Variants in ERCC6 observed in about 807,000 individuals in gnomAD.
The protein encoded by ERCC6 is ERCC excision repair 6, chromatin remodeling factor.
In ERCC6, 116 loss-of-function variants were observed where a neutral mutation model predicts 158.7. The observed-to-expected ratio is 0.73, with a 90% CI of 0.63 to 0.85. ERCC6 has a LOEUF of 0.85. Ranked by LOEUF, ERCC6 falls within the 40% of genes least tolerant of loss-of-function variation. The pLI is 0.00. For synonymous variants in ERCC6, 678 were observed against 659.3 expected (o/e 1.03, Z -0.43); for missense variants, 1,698 against 1,799.4 (o/e 0.94, Z 1.02).
intron 1 of ERCC6, among the ~76,000 whole-genome samples, chr10:49,536,430 G>A (rs1011780712): frequency 7.2e-5 from 11 of 152,122 alleles, no homozygotes; most frequent in African/African-American, 2.4e-4. Context: ...ATGAACAGGA[G>A]GCACAACACA....
intron 20 of ERCC6, among the ~76,000 whole-genome samples, chr10:49,459,681 T>C (rs1850543282): frequency 6.6e-6 from 1 of 152,178 alleles, no homozygotes; most frequent in East Asian, 1.9e-4. Context: ...CTTTTAAGTC[T>C]TCTTACTCTT....
chr10:49,531,399 T>C (rs1049798393), intron 2 of ERCC6, among the ~76,000 whole-genome samples: 1 of 152,186 alleles, frequency 6.6e-6, no homozygotes, highest in African/African-American at 2.4e-5. Context: ...ACCATAGAAT[T>C]GTAGCTTCCA....
At chr10:49,446,537 A>T in the ERCC6 span, among the ~76,000 whole-genome samples, 4 of 152,194 alleles carry the variant, frequency 2.6e-5, no homozygotes, top group Non-Finnish European at 4.4e-5. Flanking sequence ...GTGCTTTGGG[A>T]GGCCAAAGCA....
chr10:49,449,132 G>C, the ERCC6 span, among the ~76,000 whole-genome samples: 1 of 152,160 alleles, frequency 6.6e-6, no homozygotes, highest in Non-Finnish European at 1.5e-5. Context: ...ACAATCTCTT[G>C]TCAACACTTG....
intron 5 of ERCC6, chr10:49,515,770 G>A (rs778353556): frequency 1.9e-6 from 3 of 1,614,154 alleles, no homozygotes; most frequent in Admixed American, 3.3e-5. Flanking sequence ...ATGTTTGGCT[G>A]CTGAACTTGT....
chr10:49,511,671 C>T (rs1271998069), intron 5 of ERCC6, among the ~76,000 whole-genome samples: 3 of 152,176 alleles, frequency 2.0e-5, no homozygotes, highest in African/African-American at 7.2e-5. Context: ...AGTGATCTGC[C>T]TGCCTTGCCT....
the ERCC6 span, among the ~76,000 whole-genome samples, chr10:49,448,846 G>A: frequency 6.6e-6 from 1 of 152,140 alleles, no homozygotes; most frequent in African/African-American, 2.4e-5. Flanking sequence ...ATATTCCATT[G>A]TATAGATATA....
At position 49,532,943 on chromosome 10, in the gene ERCC6, G is replaced by C; in HGVS notation, c.22C>G (p.His8Asp). 6.2e-7 allele frequency: 1 copy of C among 1,614,192 alleles called. No individual in the cohort carries two copies. The highest frequency in any genetic ancestry group is 8.5e-7 in the Non-Finnish European group (1 of 1,180,046). MPNEGIP[H>D]SSQTQEQDCL... ...TCTTGCTCCTGAGTTTGACTTGAGT[G>C]GGGGATTCCCTCATTTGGCATTCTC... Residue 8 changes from histidine (H) to aspartate (D), a missense_variant, in exon 2 of 21, where the codon CAC (histidine) becomes GAC (aspartate). Coordinates refer to ENST00000355832, the MANE Select transcript of ERCC6 (RefSeq NM_000124.4).
At chr10:49,519,139 G>A (rs1443225588) in intron 5 of ERCC6, among the ~76,000 whole-genome samples, 2 of 152,130 alleles carry the variant, frequency 1.3e-5, no homozygotes, top group East Asian at 3.9e-4. Context: ...TTGGTTTTCA[G>A]TCCAATGGAG....
chr10:49,472,619 G>C (rs1315917624), intron 15 of ERCC6, 149 bp from the exon 16 acceptor site: 7 of 839,858 alleles, frequency 8.3e-6, no homozygotes, highest in Non-Finnish European at 1.4e-5. Flanking sequence ...GCCTACTCAG[G>C]AAGATGAACA....
At chr10:49,521,029 G>A (rs750816875) in intron 5 of ERCC6, among the ~76,000 whole-genome samples, 25 of 152,216 alleles carry the variant, frequency 1.6e-4, no homozygotes, top group Non-Finnish European at 3.5e-4. Context: ...AAATGCCTCA[G>A]TCTGAATTCA....
chr10:49,437,101 G>T, the ERCC6 span, among the ~76,000 whole-genome samples: 1 of 152,106 alleles, frequency 6.6e-6, no homozygotes, highest in Non-Finnish European at 1.5e-5. Context: ...AGTCTCAGGA[G>T]ATCCGATGGT....
At chr10:49,466,968 A>G (rs1850687455) in intron 18 of ERCC6, among the ~76,000 whole-genome samples, 1 of 152,004 alleles carries the variant, frequency 6.6e-6, no homozygotes, top group South Asian at 2.1e-4. Flanking sequence ...TTTTGTAGAG[A>G]TGGAGTTTCA....
intron 7 of ERCC6, among the ~76,000 whole-genome samples, chr10:49,496,337 T>A (rs1473892907): frequency 2.0e-5 from 3 of 152,198 alleles, no homozygotes; most frequent in Non-Finnish European, 2.9e-5. Flanking sequence ...CTTCAAATGA[T>A]CTCAATGCCT....
intron 1 of ERCC6, among the ~76,000 whole-genome samples, chr10:49,536,107 ACT>A (rs146871654): frequency 0.07 from 10,580 of 152,154 alleles, 445 homozygotes; most frequent in Middle Eastern, 0.11. Flanking sequence ...CAAGAGTGAA[ACT>A]CTGTCTCGAA....
the ERCC6 span, among the ~76,000 whole-genome samples, chr10:49,444,072 G>A: frequency 6.6e-6 from 1 of 152,234 alleles, no homozygotes; most frequent in Non-Finnish European, 1.5e-5. Flanking sequence ...GCAAGGAGAG[G>A]TGTGCTGGGC....
chr10:49,508,072 CG>C (rs1337621171), intron 5 of ERCC6, among the ~76,000 whole-genome samples: 1 of 152,086 alleles, frequency 6.6e-6, no homozygotes, highest in African/African-American at 2.4e-5. Context: ...AAACTATGAA[CG>C]CAGAGCCAAA....
chr10:49,466,682 T>C (rs1850680979), intron 18 of ERCC6, among the ~76,000 whole-genome samples: 1 of 152,246 alleles, frequency 6.6e-6, no homozygotes, highest in Admixed American at 6.5e-5. Flanking sequence ...CTGTGTGTTT[T>C]CTAGAATTTT....
Position 49,524,095 on chromosome 10 carries a change from T to C in ERCC6, c.1335A>G (p.Gly445=). 1 of 1,612,954 alleles carries C rather than the reference T, an allele frequency of 6.2e-7. No individual in the cohort carries two copies. The highest frequency in any genetic ancestry group is 8.5e-7 in the Non-Finnish European group (1 of 1,179,910). Residue 445 remains glycine (G), a synonymous_variant, in exon 5 of 21, where the codon GGA becomes GGG. Coordinates refer to ENST00000355832, the MANE Select transcript of ERCC6 (RefSeq NM_000124.4). ...EAASVGEGGG[G]GRKVGRYRDD... The stretch of plus-strand genomic sequence containing the variant: ...CTCGGTATCTTCCCACTTTCCGACC[T>C]CCTCCTCCTCCTTCTCCTACAGAAG...
Sources: allele counts gnomAD v4.1 joint callset (sites outside exome capture counted in the v4.1 genomes callset), GRCh38; gene constraint gnomAD v4.1.1; transcripts MANE v1.5; gene names NCBI Gene and HGNC (gene_info 2026-07-23, HGNC 2026-07-21).